RPTOR: variants seen among roughly 807,000 people sequenced by gnomAD.
RPTOR encodes the protein regulatory-associated protein of mTOR.
RPTOR carries 21 observed loss-of-function variants against 169.9 expected under a neutral mutation model. That is an observed-to-expected ratio of 0.12 (90% CI 0.09 to 0.18). The LOEUF is 0.18. Ranked by LOEUF, RPTOR falls within the 10% of genes least tolerant of loss-of-function variation. The probability of loss-of-function intolerance (pLI) is 1.00; values close to 1 mark genes in which losing one functional copy is unlikely to be tolerated. For synonymous variants in RPTOR, 732 were observed against 753.2 expected (o/e 0.97, Z 0.46); for missense variants, 1,133 against 1,855.9 (o/e 0.61, Z 7.16).
In RPTOR at chr17:80,649,277, C is replaced by A. The variant is rs372692797; in HGVS notation, c.348+5467C>A. On this transcript the variant is annotated intron_variant, in intron 3 of 33. Coordinates refer to ENST00000306801, the MANE Select transcript of RPTOR (RefSeq NM_020761.3). ...ACTCCTGCTTGGGGCATTCACGTTG[C>A]GACATTAGTTCCAAATTGACAGTCC... Among the ~76,000 whole-genome samples the A allele has an allele frequency of 7.9e-5, 12 of 152,254 alleles. No individual in the cohort carries two copies. In the East Asian group the frequency reaches 2.1e-3, roughly 27 times the overall value.
chr17:80,836,346 T>A (rs2067564095), intron 9 of RPTOR, among the ~76,000 whole-genome samples: 1 of 152,228 alleles, frequency 6.6e-6, no homozygotes, highest in South Asian at 2.1e-4. Flanking sequence ...ATTTAGCCAA[T>A]GCATATTGAA....
intron 3 of RPTOR, among the ~76,000 whole-genome samples, chr17:80,654,836 C>T (rs1314260700): frequency 1.3e-5 from 2 of 152,132 alleles, no homozygotes; most frequent in African/African-American, 4.8e-5. Flanking sequence ...TAAAAGAGTG[C>T]TTTGCAAAAC....
At chr17:80,737,857 G>C (rs1466569463) in intron 5 of RPTOR, among the ~76,000 whole-genome samples, 1 of 149,676 alleles carries the variant, frequency 6.7e-6, no homozygotes, top group African/African-American at 2.5e-5. Context: ...CCAAGGAGAA[G>C]TGCATTTTTC....
chr17:80,874,117 C>T (rs922739309), intron 13 of RPTOR, among the ~76,000 whole-genome samples: 3 of 152,162 alleles, frequency 2.0e-5, no homozygotes, highest in South Asian at 2.1e-4. Context: ...AGATGGAAAG[C>T]ATGCCAGTGA....
intron 1 of RPTOR, among the ~76,000 whole-genome samples, chr17:80,573,120 C>T (rs1421453775): frequency 6.6e-6 from 1 of 152,038 alleles, no homozygotes; most frequent in African/African-American, 2.4e-5. Flanking sequence ...GCTGTTTATC[C>T]CATTGATCTG....
intron 4 of RPTOR, among the ~76,000 whole-genome samples, chr17:80,712,106 GA>G (rs1302280955): frequency 6.6e-6 from 1 of 152,066 alleles, no homozygotes; most frequent in African/African-American, 2.4e-5. Context: ...CAGAAAAATT[GA>G]GCAAGTTTAT....
chr17:80,942,055 C>T (rs768409613), intron 25 of RPTOR: 2 of 152,234 alleles, frequency 1.3e-5, no homozygotes, highest in African/African-American at 2.4e-5. Flanking sequence ...ATGTTGCAAT[C>T]CGGTGCGTGC....
chr17:80,927,739 T>TCC (rs10625103), intron 24 of RPTOR, among the ~76,000 whole-genome samples: 5 of 98,528 alleles, frequency 5.1e-5, no homozygotes, highest in African/African-American at 1.3e-4. Flanking sequence ...TTTCTGTGTG[T>TCC]CTGTGTGTGT....
At chr17:80,899,470 C>T (rs551953231) in intron 20 of RPTOR, among the ~76,000 whole-genome samples, 2 of 150,752 alleles carry the variant, frequency 1.3e-5, no homozygotes, top group Admixed American at 6.6e-5. Flanking sequence ...TACACATTTC[C>T]CCTGGCCCCG....
Position 80,651,957 on chromosome 17 carries a change from G to A in RPTOR, c.348+8147G>A, listed in dbSNP as rs1202788067. 6.6e-6 allele frequency among the ~76,000 whole-genome samples: 1 copy of A among 151,862 alleles called. No individual in the cohort carries two copies. Among genetic ancestry groups the A allele is most frequent in the Non-Finnish European group, 1.5e-5 (1 of 67,970 alleles). On this transcript the variant is annotated intron_variant, in intron 3 of 33. Coordinates refer to ENST00000306801, the MANE Select transcript of RPTOR (RefSeq NM_020761.3). The surrounding 1 kb of genome is among the most constrained non-coding windows in gnomAD (Gnocchi z 4.1). ...CGGGAGGTGGAGCTTGCAGTGAGCT[G>A]AGATCACGCCACTGCACTCCAGCCT...
chr17:80,932,999 C>A (rs1192877467), intron 24 of RPTOR, among the ~76,000 whole-genome samples: 1 of 152,210 alleles, frequency 6.6e-6, no homozygotes, highest in East Asian at 1.9e-4. Context: ...CCAGTAATAT[C>A]TTTAAAGTGC....
At chr17:80,672,110 C>T (rs2065826242) in intron 3 of RPTOR, among the ~76,000 whole-genome samples, 1 of 152,174 alleles carries the variant, frequency 6.6e-6, no homozygotes, top group Non-Finnish European at 1.5e-5. Flanking sequence ...AGTGTTCTGA[C>T]TCGGATACTG....
chr17:80,880,335 T>G, intron 13 of RPTOR, 80 bp from the exon 14 acceptor site: 1 of 1,191,204 alleles, frequency 8.4e-7, no homozygotes, highest in Non-Finnish European at 1.3e-6. Flanking sequence ...CCTGCCCTTA[T>G]TCGTTCACGC....
Position 80,893,710 on chromosome 17 carries a change from G to C in RPTOR, c.2246G>C (p.Gly749Ala). 6.2e-7 allele frequency: 1 copy of C among 1,609,388 alleles called. No individual in the cohort carries two copies. Among genetic ancestry groups the C allele is most frequent in the Non-Finnish European group, 8.5e-7 (1 of 1,177,764 alleles). ...LQNLSLTEES[G>A]GAVAFSPGNL... is the part of the protein sequence containing the mutation. ...GACCCCGTTGCGTCTCGGGCAGCTGGTGGCGCGGTGGCGTTCTCCCCCGGA... is the reference window on the plus strand; with the variant it reads ...GACCCCGTTGCGTCTCGGGCAGCTGCTGGCGCGGTGGCGTTCTCCCCCGGA... The change falls in exon 20 of 34, where the codon GGT (glycine) becomes GCT (alanine). Residue 749 changes from glycine (G) to alanine (A), a missense_variant. Gly to Ala is a moderately conservative substitution (Grantham distance 60). Around this residue, in one of 9 missense-constraint regions of RPTOR, gnomAD observed 150 missense variants for 206.4 expected, o/e 0.73. Coordinates refer to ENST00000306801, the MANE Select transcript of RPTOR (RefSeq NM_020761.3).
At chr17:80,731,579 T>G (rs1386733017) in intron 5 of RPTOR, among the ~76,000 whole-genome samples, 4 of 152,154 alleles carry the variant, frequency 2.6e-5, no homozygotes, top group African/African-American at 4.8e-5. Flanking sequence ...AACAGTGAAT[T>G]CTGAGGACAA....
At chr17:80,815,131 G>A (rs1355643193) in intron 7 of RPTOR, among the ~76,000 whole-genome samples, 4 of 152,274 alleles carry the variant, frequency 2.6e-5, no homozygotes, top group Non-Finnish European at 5.9e-5. Context: ...CACCATGGCA[G>A]CCGCGTGACT....
At position 80,681,731 on chromosome 17, in the gene RPTOR, C is replaced by CTTCATGAGGTGTACGTCTCTTACACT. The variant is rs1555606334; in HGVS notation, c.349-26085_349-26084insTTTCATGAGGTGTACGTCTCTTACAC. ...TTCATGAGGTGTACGTCTCTTACAC[C>CTTCATGAGGTGTACGTCTCTTACACT]TTCATGAGGTGTACGTCTCTTACAC... On this transcript the variant is annotated intron_variant, in intron 3 of 33. Transcript: ENST00000306801. 6.0e-4 allele frequency among the ~76,000 whole-genome samples: 70 copies of CTTCATGAGGTGTACGTCTCTTACACT among 115,902 alleles called. 2 individuals carry two copies. The highest frequency in any genetic ancestry group is 9.1e-4 in the Non-Finnish European group (52 of 56,880). The allele number at this position is 115,902 out of a possible 152,430, so 76.0% of individuals were successfully genotyped here.
chr17:80,863,052 C>T (rs1475550991), intron 13 of RPTOR, among the ~76,000 whole-genome samples: 1 of 152,192 alleles, frequency 6.6e-6, no homozygotes, highest in Non-Finnish European at 1.5e-5. Flanking sequence ...TCCCATTGTG[C>T]CAGAAGCTCT....
intron 1 of RPTOR, among the ~76,000 whole-genome samples, chr17:80,608,778 G>A (rs1164606512): frequency 6.6e-6 from 1 of 152,216 alleles, no homozygotes; most frequent in African/African-American, 2.4e-5. Context: ...GGTCTTGACC[G>A]TGTTGGTCTT....
Sources: gnomAD v4.1 joint callset for allele counts (sites outside exome capture counted in the v4.1 genomes callset) on GRCh38, gnomAD v4.1.1 for gene constraint, gnomAD v4.1.1 regional missense constraint, Gnocchi (gnomAD v3.1) non-coding constraint, MANE v1.5 for transcripts, NCBI Gene and HGNC (gene_info 2026-07-23, HGNC 2026-07-21) for gene names.